Variants in UBE2V1 observed in about 807,000 individuals in gnomAD.
UBE2V1 encodes the protein ubiquitin-conjugating enzyme E2 variant 1.
Under a neutral mutation model 19.6 loss-of-function variants are expected in UBE2V1, and 15 were observed. That is an observed-to-expected ratio of 0.77 (90% CI 0.51 to 1.18). UBE2V1 has a LOEUF of 1.18. Among genes scored for constraint, UBE2V1 ranks in the 50% most tolerant of loss-of-function variants. UBE2V1 has a pLI of 0.00. For missense variants in UBE2V1, 125 were observed against 184.8 expected, an observed-to-expected ratio of 0.68 and a Z score of 1.88; for synonymous variants, 60 against 60.7, an observed-to-expected ratio of 0.99 and a Z score of 0.05.
At chr20:50,115,570 T>A (rs1343001143), upstream of UBE2V1, 1 of 1,551,632 alleles carries the variant, frequency 6.4e-7, no homozygotes. Flanking sequence ...GAACCTCTCC[T>A]GGCATCAGTT....
chr20:50,086,943 T>G (rs6095756), intron 2 of UBE2V1, among the ~76,000 whole-genome samples: 51,793 of 151,756 alleles, frequency 0.34, 9,801 homozygotes, highest in African/African-American at 0.53. Flanking sequence ...CGGGTGTGGT[T>G]GTGGGCGCCT....
intron 2 of UBE2V1, among the ~76,000 whole-genome samples, chr20:50,091,389 A>C (rs1288435758): frequency 6.7e-6 from 1 of 150,288 alleles, no homozygotes; most frequent in Non-Finnish European, 1.5e-5. Flanking sequence ...CATATTCATT[A>C]ATCAGTCATA....
At chr20:50,088,427 G>T (rs999338319) in intron 2 of UBE2V1, among the ~76,000 whole-genome samples, 1 of 152,142 alleles carries the variant, frequency 6.6e-6, no homozygotes, top group Non-Finnish European at 1.5e-5. Flanking sequence ...GGTAGCACAG[G>T]AAGTACTACC....
chr20:50,114,134 C>T (rs1481682860), upstream of UBE2V1, among the ~76,000 whole-genome samples: 1 of 151,296 alleles, frequency 6.6e-6, no homozygotes, highest in African/African-American at 2.4e-5. Flanking sequence ...GAAGGTACTC[C>T]TCCTTTATTA....
At chr20:50,088,427 G>C (rs999338319) in intron 2 of UBE2V1, among the ~76,000 whole-genome samples, 1 of 152,142 alleles carries the variant, frequency 6.6e-6, no homozygotes. Context: ...GGTAGCACAG[G>C]AAGTACTACC....
At chr20:50,087,171 G>T (rs183779299) in intron 2 of UBE2V1, among the ~76,000 whole-genome samples, 1 of 152,192 alleles carries the variant, frequency 6.6e-6, no homozygotes, top group Non-Finnish European at 1.5e-5. Context: ...CGAGGTGGGT[G>T]GATAACCTGA....
intron 1 of UBE2V1, among the ~76,000 whole-genome samples, chr20:50,108,016 G>A: frequency 6.6e-6 from 1 of 152,230 alleles, no homozygotes; most frequent in East Asian, 1.9e-4. Context: ...AGAGGTGTGT[G>A]ACACCACATG....
intron 1 of UBE2V1, chr20:50,099,008 C>A (rs538096865): frequency 1.0e-6 from 1 of 976,936 alleles, no homozygotes; most frequent in Non-Finnish European, 1.2e-6. Flanking sequence ...ACATTATAGG[C>A]AAAAAGCCAG....
intron 1 of UBE2V1, 143 bp from the exon 2 acceptor site, chr20:50,096,963 G>C: frequency 7.4e-7 from 1 of 1,355,726 alleles, no homozygotes; most frequent in Non-Finnish European, 9.9e-7. Flanking sequence ...CCTCAAACTT[G>C]CTACTTATAA....
chr20:50,115,337 C>T, upstream of UBE2V1: 1 of 1,331,158 alleles, frequency 7.5e-7, no homozygotes. Flanking sequence ...AGTGCCAGCA[C>T]TGGCTACAGG....
chr20:50,089,416 C>T (rs185460142), intron 2 of UBE2V1, among the ~76,000 whole-genome samples: 72 of 152,282 alleles, frequency 4.7e-4, no homozygotes, highest in African/African-American at 1.7e-3. Context: ...GGGCTGTTAC[C>T]AGGGTGGTAC....
upstream of UBE2V1, among the ~76,000 whole-genome samples, chr20:50,114,651 C>T (rs947285768): frequency 1.3e-5 from 2 of 152,186 alleles, no homozygotes; most frequent in Non-Finnish European, 2.9e-5. Context: ...CCTGGACACC[C>T]TGTGCACCAG....
intron 1 of UBE2V1, among the ~76,000 whole-genome samples, chr20:50,097,178 A>T (rs1480962148): frequency 6.6e-6 from 1 of 152,194 alleles, no homozygotes; most frequent in Admixed American, 6.5e-5. Context: ...AGGTGCTAAC[A>T]AAAGTACCTT....
At chr20:50,089,963 A>C (rs903736849) in intron 2 of UBE2V1, among the ~76,000 whole-genome samples, 12 of 151,802 alleles carry the variant, frequency 7.9e-5, no homozygotes, top group Non-Finnish European at 1.3e-4. Context: ...TGTCTTTTGC[A>C]CTCCCCCAAC....
upstream of UBE2V1, chr20:50,113,329 A>T: frequency 2.5e-6 from 1 of 393,928 alleles, no homozygotes; most frequent in South Asian, 1.3e-4. Context: ...GGGCCCAGCA[A>T]CCTGCAAGTC....
At chr20:50,084,343 G>C (rs761027735) in intron 2 of UBE2V1, 89 bp from the exon 3 acceptor site, 1 of 1,600,270 alleles carries the variant, frequency 6.2e-7, no homozygotes, top group Non-Finnish European at 8.5e-7. Context: ...ATCCCTGACT[G>C]TAGAACTGGT....
At chr20:50,088,337 CTAA>C (rs2146991895) in intron 2 of UBE2V1, among the ~76,000 whole-genome samples, 1 of 152,072 alleles carries the variant, frequency 6.6e-6, no homozygotes, top group East Asian at 1.9e-4. Flanking sequence ...TGGACTTTAG[CTAA>C]TAATAATGTA....
intron 2 of UBE2V1, chr20:50,094,830 G>A (rs1035759220): frequency 3.9e-5 from 6 of 152,096 alleles, no homozygotes; most frequent in Admixed American, 2.6e-4. Context: ...AACTCTGAAT[G>A]TAAGACCACC....
chr20:50,092,520 A>G (rs1240386584), intron 2 of UBE2V1, among the ~76,000 whole-genome samples: 1 of 152,150 alleles, frequency 6.6e-6, no homozygotes, highest in Non-Finnish European at 1.5e-5. Flanking sequence ...TAAACAGCCT[A>G]CAACGCACAT....
Sources: gnomAD v4.1 joint callset for allele counts (sites outside exome capture counted in the v4.1 genomes callset) on GRCh38, gnomAD v4.1.1 for gene constraint, MANE v1.5 for transcripts, NCBI Gene and HGNC (gene_info 2026-07-23, HGNC 2026-07-21) for gene names.